Variants in CACNA1D observed in about 807,000 individuals in gnomAD.
CACNA1D encodes the protein calcium voltage-gated channel subunit alpha1 D.
In CACNA1D, 55 loss-of-function variants were observed where a neutral mutation model predicts 257.1. The observed-to-expected ratio is 0.21, with a 90% confidence interval of 0.17 to 0.27. CACNA1D has a LOEUF of 0.27. Among genes scored for constraint, CACNA1D ranks in the 10% least tolerant of loss-of-function variants. The probability of loss-of-function intolerance (pLI) is 1.00; values close to 1 mark genes in which losing one functional copy is unlikely to be tolerated. For missense variants in CACNA1D, 1,876 were observed against 2,784.0 expected, an observed-to-expected ratio of 0.67 and a Z score of 7.34; for synonymous variants, 980 against 1,014.9, an observed-to-expected ratio of 0.97 and a Z score of 0.65.
At chr3:53,628,962 G>A (rs2093790982) in intron 3 of CACNA1D, among the ~76,000 whole-genome samples, 1 of 152,202 alleles carries the variant, frequency 6.6e-6, no homozygotes, top group Non-Finnish European at 1.5e-5. Context: ...TGAAAGCCAA[G>A]AGCATTCTAT....
At chr3:53,517,682 C>T (rs1333913267) in intron 3 of CACNA1D, among the ~76,000 whole-genome samples, 5 of 152,126 alleles carry the variant, frequency 3.3e-5, no homozygotes, top group African/African-American at 1.2e-4. Flanking sequence ...CGGGGTTTCA[C>T]CATATTGGCC....
At chr3:53,599,327 G>A (rs1426967184) in intron 3 of CACNA1D, among the ~76,000 whole-genome samples, 2 of 152,048 alleles carry the variant, frequency 1.3e-5, no homozygotes, top group African/African-American at 4.8e-5. Context: ...TGAGCATCTT[G>A]GGGTAGCAAA....
chr3:53,585,169 G>A (rs555999473), intron 3 of CACNA1D, among the ~76,000 whole-genome samples: 2 of 152,050 alleles, frequency 1.3e-5, no homozygotes, highest in South Asian at 4.2e-4. Flanking sequence ...CACAAATGAA[G>A]TTTAATTAAT....
chr3:53,674,079 G>A, intron 8 of CACNA1D: 1 of 560,916 alleles, frequency 1.8e-6, no homozygotes, highest in South Asian at 2.0e-5. Context: ...ACGTGTAGAG[G>A]TGGATTACAA....
intron 43 of CACNA1D, among the ~76,000 whole-genome samples, 200 bp from the exon 44 acceptor site, chr3:53,803,223 C>A (rs2095544829): frequency 6.6e-6 from 1 of 152,186 alleles, no homozygotes; most frequent in African/African-American, 2.4e-5. Flanking sequence ...CTATCCTGGC[C>A]CGCAGGCACA....
intron 3 of CACNA1D, among the ~76,000 whole-genome samples, chr3:53,630,163 A>G (rs1398702792): frequency 2.0e-5 from 3 of 152,252 alleles, no homozygotes; most frequent in African/African-American, 7.2e-5. Flanking sequence ...CTGATGAAGT[A>G]GGGCCACAGG....
At chr3:53,695,564 C>T (rs1208225200) in intron 8 of CACNA1D, among the ~76,000 whole-genome samples, 3 of 152,200 alleles carry the variant, frequency 2.0e-5, no homozygotes. Context: ...GATGATTACA[C>T]TGGTGTGCTA....
At chr3:53,712,945 C>T (rs1352701545) in intron 9 of CACNA1D, among the ~76,000 whole-genome samples, 1 of 152,218 alleles carries the variant, frequency 6.6e-6, no homozygotes, top group Non-Finnish European at 1.5e-5. Context: ...GGTGCCTTGA[C>T]TGGAGGACTG....
At chr3:53,737,120 G>A (rs989798501) in intron 20 of CACNA1D, among the ~76,000 whole-genome samples, 2 of 151,864 alleles carry the variant, frequency 1.3e-5, no homozygotes, top group African/African-American at 2.4e-5. Context: ...CCAACATGGT[G>A]GAACCCCGTC....
chr3:53,528,501 G>T (rs1036509206), intron 3 of CACNA1D, among the ~76,000 whole-genome samples: 18 of 152,088 alleles, frequency 1.2e-4, no homozygotes, highest in Admixed American at 4.6e-4. Flanking sequence ...CTACAAGATT[G>T]TATTGGCTAT....
rs766271349 is a variant in CACNA1D, at chr3:53,761,949, G to T, written c.3787-49G>T. 4.5e-5 allele frequency: 58 copies of T among 1,282,154 alleles called. No individual in the cohort carries two copies. In the Admixed American group the frequency reaches 9.1e-4, roughly 20 times the overall value. The allele number at this position is 1,282,154 out of a possible 1,614,324, so 79.4% of individuals were successfully genotyped here. On this transcript the variant is annotated intron_variant, in intron 29 of 47. Transcript: ENST00000350061. Reference sequence around the variant, plus strand: ...TCGCCCCTATACGGTCCGTGTGGTGGGTCATTCATACATGCTCATAAACAT... The same window carrying T: ...TCGCCCCTATACGGTCCGTGTGGTGTGTCATTCATACATGCTCATAAACAT...
chr3:53,578,212 G>A (rs1337188788), intron 3 of CACNA1D, among the ~76,000 whole-genome samples: 1 of 152,156 alleles, frequency 6.6e-6, no homozygotes, highest in South Asian at 2.1e-4. Flanking sequence ...GCTGGAGGGA[G>A]CCCAGAGTGG....
chr3:53,664,836 T>A (rs1309835100), intron 5 of CACNA1D, among the ~76,000 whole-genome samples: 1 of 152,254 alleles, frequency 6.6e-6, no homozygotes, highest in Non-Finnish European at 1.5e-5. Context: ...GTCAGGGGGC[T>A]CCTTGCTTCT....
chr3:53,622,952 C>T (rs983368311), intron 3 of CACNA1D, among the ~76,000 whole-genome samples: 8 of 151,410 alleles, frequency 5.3e-5, no homozygotes, highest in Non-Finnish European at 8.8e-5. Context: ...TGCAATGGCT[C>T]GATCTCCGCT....
chr3:53,704,048 G>T lies in CACNA1D; in HGVS notation c.1390+1238G>T, dbSNP rs144153071. ...GAGGGAGGCGTGGAGGTGGACAAAG[G>T]CCAGGTTTCAGGGAGGAAGCAGTGG... On this transcript the variant is annotated intron_variant, in intron 9 of 47. Coordinates refer to ENST00000350061, the MANE Select transcript of CACNA1D (RefSeq NM_001128840.3). Among the ~76,000 whole-genome samples the T allele has an allele frequency of 1.4e-3, 207 of 152,300 alleles. 1 individual carries two copies. Among genetic ancestry groups the T allele is most frequent in the African/African-American group, 4.8e-3 (200 of 41,558 alleles).
chr3:53,567,251 A>T (rs952510187), intron 3 of CACNA1D, among the ~76,000 whole-genome samples: 3 of 152,220 alleles, frequency 2.0e-5, no homozygotes, highest in African/African-American at 4.8e-5. Flanking sequence ...TGTGAAATTT[A>T]TTATTGTTGA....
intron 17 of CACNA1D, among the ~76,000 whole-genome samples, chr3:53,731,472 G>A (rs2108764398): frequency 6.6e-6 from 1 of 152,346 alleles, no homozygotes. Context: ...GAGTGGGTAT[G>A]AAAATCGCGG....
At chr3:53,520,178 A>G (rs527600158) in intron 3 of CACNA1D, among the ~76,000 whole-genome samples, 10 of 152,326 alleles carry the variant, frequency 6.6e-5, no homozygotes, top group Non-Finnish European at 1.5e-4. Flanking sequence ...TGGAATTGCT[A>G]GGTCATATGG....
chr3:53,673,091 T>C lies in CACNA1D; in HGVS notation c.1185T>C (p.Phe395=). 6.4e-7 allele frequency: 1 copy of C among 1,552,346 alleles called. No homozygotes were observed. The highest frequency in any genetic ancestry group is 1.2e-5 in the South Asian group (1 of 84,084). Residue 395 remains phenylalanine (F), a synonymous_variant, in exon 8 of 48, where the codon TTT becomes TTC. Coordinates refer to ENST00000350061, the MANE Select transcript of CACNA1D (RefSeq NM_001128840.3). The surrounding 1 kb of genome is among the most constrained non-coding windows in gnomAD (Gnocchi z 4.1). ...TCAGTCTCGTCATCTTTGGGTCATT[T>C]TTCGTACTAAATCTTGTACTTGGTG... is the stretch of plus-strand genomic sequence containing the variant. ...YFVSLVIFGS[F]FVLNLVLGVL... is the part of the protein sequence containing the mutation.
Sources: allele counts gnomAD v4.1 joint callset (sites outside exome capture counted in the v4.1 genomes callset), GRCh38; gene constraint gnomAD v4.1.1; non-coding constraint Gnocchi (gnomAD v3.1); transcripts MANE v1.5; gene names NCBI Gene and HGNC (gene_info 2026-07-23, HGNC 2026-07-21).